Variants in CHD1 observed in about 807,000 individuals in gnomAD.
CHD1 encodes ATP-dependent chromatin remodeler CHD1.
A neutral mutation model predicts 224.2 loss-of-function variants in CHD1; 36 were observed. The observed-to-expected ratio is 0.16, with a 90% confidence interval of 0.12 to 0.21. CHD1 has a LOEUF of 0.21. CHD1 is among the 10% of genes least tolerant of loss of function. CHD1 has a pLI of 1.00. For missense variants in CHD1, 1,378 were observed against 1,994.8 expected, an observed-to-expected ratio of 0.69 and a Z score of 5.89; for synonymous variants, 668 against 658.3, an observed-to-expected ratio of 1.01 and a Z score of -0.23.
intron 2 of CHD1, among the ~76,000 whole-genome samples, chr5:98,918,757 AAAAAAAAAAAAC>A (rs951029437): frequency 2.8e-5 from 4 of 140,404 alleles, no homozygotes; most frequent in Non-Finnish European, 6.3e-5. Flanking sequence ...ACTCTTCAAA[AAAAAAAAAAAAC>A]AAAAAAAAAA....
chr5:98,860,117 T>C (rs953862911), intron 32 of CHD1, 49 bp from the exon 33 acceptor site: 1 of 1,044,928 alleles, frequency 9.6e-7, no homozygotes, highest in Non-Finnish European at 1.5e-6. Flanking sequence ...GTGGAAAATA[T>C]TTAGTTTTTT....
At chr5:98,861,795 C>T (rs12654682) in intron 32 of CHD1, among the ~76,000 whole-genome samples, 8,988 of 151,894 alleles carry the variant, frequency 0.059, 286 homozygotes, top group South Asian at 0.093. Flanking sequence ...AGCCATTGTG[C>T]CCAGCCCACA....
intron 2 of CHD1, among the ~76,000 whole-genome samples, chr5:98,909,413 T>A (rs80014013): frequency 6.6e-6 from 1 of 152,128 alleles, no homozygotes; most frequent in Non-Finnish European, 1.5e-5. Context: ...ATTTAATGTT[T>A]TGTTGTTTTC....
intron 2 of CHD1, among the ~76,000 whole-genome samples, chr5:98,924,245 T>C (rs866304601): frequency 1.3e-5 from 2 of 151,926 alleles, no homozygotes; most frequent in African/African-American, 4.8e-5. Context: ...AGTGAGGCCC[T>C]GTCTCAAAAG....
intron 30 of CHD1, 111 bp downstream of exon 30, chr5:98,869,643 C>CAT: frequency 9.4e-7 from 1 of 1,068,632 alleles, no homozygotes; most frequent in Non-Finnish European, 1.4e-6. Context: ...CACACACACA[C>CAT]ACACACACAG....
chr5:98,871,458 T>C (rs1749338726), intron 28 of CHD1, among the ~76,000 whole-genome samples: 1 of 151,342 alleles, frequency 6.6e-6, no homozygotes, highest in South Asian at 2.1e-4. Flanking sequence ...CCGATGTTTT[T>C]TAAAAATAAA....
Position 98,897,320 on chromosome 5 carries a change from C to T in CHD1, c.1366G>A (p.Val456Ile), listed in dbSNP as rs541113957. The T allele has an allele frequency of 1.9e-6, 3 of 1,581,846 alleles. No individual in the cohort carries two copies. The highest frequency in any genetic ancestry group is 1.4e-5 in the African/African-American group (1 of 73,622). The part of the protein sequence containing the change: ...SKTTPFKDCK[V>I]LKQRPRFVAL... Reference sequence around the variant, plus strand: ...ACAAACCTTGGCCTTTGTTTTAATACCTTTAGTAGAAATAAACATTATTAT... The same window carrying T: ...ACAAACCTTGGCCTTTGTTTTAATATCTTTAGTAGAAATAAACATTATTAT... Residue 456 changes from valine (V) to isoleucine (I), a missense_variant and splice_region_variant, in exon 11 of 36, where the codon GTA becomes ATA. Physicochemically the swap from Val to Ile is conservative, Grantham distance 29. This residue lies in a region of CHD1 where 86 missense variants were observed against 97.7 expected (regional missense o/e 0.88). Transcript: ENST00000614616.
chr5:98,890,863 T>C (rs1284942219), intron 15 of CHD1, among the ~76,000 whole-genome samples: 2 of 152,202 alleles, frequency 1.3e-5, no homozygotes, highest in African/African-American at 4.8e-5. Flanking sequence ...CCCCATCGTA[T>C]ACATTTTAAC....
intron 31 of CHD1, among the ~76,000 whole-genome samples, chr5:98,866,361 A>T (rs1748867159): frequency 6.6e-6 from 1 of 152,202 alleles, no homozygotes. Context: ...AATATATTTA[A>T]AGAGCATGAA....
Position 98,907,840 on chromosome 5 carries a change from G to T in CHD1, c.54-2742C>A, listed in dbSNP as rs1752147768. ...GAGTAGAAGGAACAGCAATTGAAAT[G>T]AGTCTTCAGTTTTAGAATTACGTAA... On this transcript the variant is annotated intron_variant, in intron 2 of 35. Coordinates refer to ENST00000614616, the MANE Select transcript of CHD1 (RefSeq NM_001270.4). Among the ~76,000 whole-genome samples, 6 of 152,144 alleles carry T rather than the reference G, an allele frequency of 3.9e-5. No individual in the cohort carries two copies. In the South Asian group the frequency reaches 1.2e-3, roughly 32 times the overall value.
chr5:98,927,703 C>T (rs972786120), intron 1 of CHD1, among the ~76,000 whole-genome samples: 1 of 152,162 alleles, frequency 6.6e-6, no homozygotes, highest in Non-Finnish European at 1.5e-5. Flanking sequence ...TGTTAACAAA[C>T]TGCCTTTCCC....
At chr5:98,875,458 T>C (rs1749679943) in intron 24 of CHD1, among the ~76,000 whole-genome samples, 1 of 152,226 alleles carries the variant, frequency 6.6e-6, no homozygotes, top group Non-Finnish European at 1.5e-5. Flanking sequence ...TCAATTATAT[T>C]ACACTTCCTC....
chr5:98,904,087 G>C (rs529009981), intron 3 of CHD1, among the ~76,000 whole-genome samples, 179 bp from the exon 4 acceptor site: 9 of 152,124 alleles, frequency 5.9e-5, no homozygotes, highest in African/African-American at 1.7e-4. Flanking sequence ...CTGAGCTCTA[G>C]TTATGTATAA....
chr5:98,874,251 T>C (rs1204621831), intron 25 of CHD1, among the ~76,000 whole-genome samples: 1 of 152,100 alleles, frequency 6.6e-6, no homozygotes, highest in African/African-American at 2.4e-5. Flanking sequence ...TCTTTGCTGA[T>C]CTATATTCAG....
chr5:98,898,644 T>C lies in CHD1; in HGVS notation c.1186+20A>G, dbSNP rs775925142. Reference sequence around the variant, plus strand: ...TTCAAGCATAAAAAGAAAGTTTAACTAGAATCATTTATCACTAACCAATTA... The same window carrying C: ...TTCAAGCATAAAAAGAAAGTTTAACCAGAATCATTTATCACTAACCAATTA... On this transcript the variant is annotated intron_variant, in intron 9 of 35. Coordinates refer to ENST00000614616, the MANE Select transcript of CHD1 (RefSeq NM_001270.4). 9 of 1,412,208 alleles carry C rather than the reference T, an allele frequency of 6.4e-6. No homozygotes were observed. The East Asian group carries it at 2.1e-4, about 32-fold the overall frequency. The allele number at this position is 1,412,208 out of a possible 1,614,324, so 87.5% of individuals were successfully genotyped here.
chr5:98,882,158 A>T (rs750168481), intron 19 of CHD1, 35 bp from the exon 20 acceptor site: 1 of 1,586,152 alleles, frequency 6.3e-7, no homozygotes, highest in East Asian at 2.2e-5. Context: ...AAATTGCAGT[A>T]TAAAGGATTT....
chr5:98,859,441 A>T (rs953926378), intron 33 of CHD1, among the ~76,000 whole-genome samples: 1 of 152,124 alleles, frequency 6.6e-6, no homozygotes, highest in Non-Finnish European at 1.5e-5. Context: ...TTGGAAGCCC[A>T]TATTACACTT....
At chr5:98,910,444 T>A (rs143809340) in intron 2 of CHD1, among the ~76,000 whole-genome samples, 2 of 152,096 alleles carry the variant, frequency 1.3e-5, no homozygotes, top group African/African-American at 2.4e-5. Flanking sequence ...GTTAGGACCA[T>A]CTGCTTTTTT....
chr5:98,926,231 G>C, intron 2 of CHD1, 103 bp downstream of exon 2: 1 of 697,416 alleles, frequency 1.4e-6, no homozygotes, highest in East Asian at 3.0e-5. Flanking sequence ...TGAAAACTCT[G>C]CTACCTATGA....
Sources: gnomAD v4.1 joint callset for allele counts (sites outside exome capture counted in the v4.1 genomes callset) on GRCh38, gnomAD v4.1.1 for gene constraint, gnomAD v4.1.1 regional missense constraint, MANE v1.5 for transcripts, NCBI Gene and HGNC (gene_info 2026-07-23, HGNC 2026-07-21) for gene names.